RUNDC3B: variants seen among roughly 807,000 people sequenced by gnomAD.
RUNDC3B encodes RUN domain containing 3B.
In RUNDC3B, 33 loss-of-function variants were observed where a neutral mutation model predicts 58.4. The observed-to-expected ratio is 0.56, with a 90% CI of 0.43 to 0.75. The LOEUF (loss-of-function observed/expected upper bound fraction) is 0.75. Among genes scored for constraint, RUNDC3B ranks in the 30% least tolerant of loss-of-function variants. The pLI is 0.00. For synonymous variants in RUNDC3B, 193 were observed against 195.2 expected, an observed-to-expected ratio of 0.99 and a Z score of 0.10; for missense variants, 501 against 535.7, an observed-to-expected ratio of 0.94 and a Z score of 0.64.
intron 2 of RUNDC3B, 75 bp from the exon 3 acceptor site, chr7:87,700,346 T>G (rs1828917929): frequency 7.9e-7 from 1 of 1,271,718 alleles, no homozygotes; most frequent in Middle Eastern, 1.9e-4. Flanking sequence ...TTTTCAGAAT[T>G]TTATTGTTCT....
chr7:87,664,335 T>C (rs2130472332), intron 2 of RUNDC3B, among the ~76,000 whole-genome samples: 1 of 151,994 alleles, frequency 6.6e-6, no homozygotes, highest in East Asian at 1.9e-4. Flanking sequence ...AGATACCATC[T>C]CTAAAAAAAT....
At chr7:87,729,565 G>C (rs1433365257) in intron 4 of RUNDC3B, among the ~76,000 whole-genome samples, 1 of 152,184 alleles carries the variant, frequency 6.6e-6, no homozygotes, top group African/African-American at 2.4e-5. Flanking sequence ...CATTTCAGTG[G>C]TAGGAGCCTG....
chr7:87,770,448 T>A, intron 6 of RUNDC3B, 133 bp from the exon 7 acceptor site: 1 of 736,392 alleles, frequency 1.4e-6, no homozygotes. Context: ...TAAATCTTTA[T>A]AATATCATTA....
intron 3 of RUNDC3B, among the ~76,000 whole-genome samples, chr7:87,703,969 G>A (rs1829368122): frequency 1.8e-5 from 2 of 112,766 alleles, no homozygotes; most frequent in Non-Finnish European, 3.4e-5. Context: ...CGCCCAGGCT[G>A]GAGTGCAAAG....
chr7:87,707,965 A>G (rs1169176507), intron 3 of RUNDC3B, among the ~76,000 whole-genome samples: 1 of 152,114 alleles, frequency 6.6e-6, no homozygotes, highest in East Asian at 1.9e-4. Context: ...AAATTGAAAA[A>G]TATTTGGAAA....
chr7:87,761,293 C>G (rs1039100025), intron 6 of RUNDC3B, among the ~76,000 whole-genome samples: 1 of 151,856 alleles, frequency 6.6e-6, no homozygotes, highest in African/African-American at 2.4e-5. Context: ...TTTATACTCA[C>G]AAGGATAGCT....
chr7:87,743,076 T>C (rs1260276323), intron 6 of RUNDC3B, among the ~76,000 whole-genome samples: 1 of 150,076 alleles, frequency 6.7e-6, no homozygotes, highest in African/African-American at 2.5e-5. Context: ...ATCATGCCAC[T>C]GCACCCCAAC....
intron 1 of RUNDC3B, among the ~76,000 whole-genome samples, chr7:87,636,730 A>G (rs1252071990): frequency 6.6e-6 from 1 of 152,226 alleles, no homozygotes; most frequent in Non-Finnish European, 1.5e-5. Flanking sequence ...GATGTGAAGT[A>G]CAGGAGTCAA....
chr7:87,783,687 C>G (rs1835061409), intron 8 of RUNDC3B, among the ~76,000 whole-genome samples: 1 of 152,152 alleles, frequency 6.6e-6, no homozygotes, highest in Non-Finnish European at 1.5e-5. Context: ...TCTTGCAAGG[C>G]TGGTCTATTG....
At chr7:87,718,717 A>G (rs1408797438) in intron 4 of RUNDC3B, among the ~76,000 whole-genome samples, 1 of 152,196 alleles carries the variant, frequency 6.6e-6, no homozygotes, top group African/African-American at 2.4e-5. Flanking sequence ...CTTTCTTAAC[A>G]TGATATGGGA....
At chr7:87,765,168 A>C (rs1378167119) in intron 6 of RUNDC3B, among the ~76,000 whole-genome samples, 1 of 151,720 alleles carries the variant, frequency 6.6e-6, no homozygotes, top group African/African-American at 2.4e-5. Context: ...GATTGTGCTT[A>C]TTTTAATTTT....
intron 6 of RUNDC3B, among the ~76,000 whole-genome samples, chr7:87,742,998 C>T (rs1832428681): frequency 6.6e-6 from 1 of 152,028 alleles, no homozygotes; most frequent in Admixed American, 6.6e-5. Context: ...CCTGTAGTCC[C>T]CACTACTCAG....
At chr7:87,827,965 C>T (rs1306546649) in intron 10 of RUNDC3B, among the ~76,000 whole-genome samples, 1 of 152,046 alleles carries the variant, frequency 6.6e-6, no homozygotes, top group East Asian at 1.9e-4. Flanking sequence ...CCATTCTGGG[C>T]AACACAGACC....
intron 6 of RUNDC3B, among the ~76,000 whole-genome samples, chr7:87,754,905 A>T (rs13438341): frequency 6.9e-6 from 1 of 145,700 alleles, no homozygotes; most frequent in Non-Finnish European, 1.5e-5. Flanking sequence ...AACAATAATG[A>T]GCTCTGAAAT....
intron 2 of RUNDC3B, among the ~76,000 whole-genome samples, chr7:87,666,680 G>A (rs987547339): frequency 6.6e-6 from 1 of 152,130 alleles, no homozygotes; most frequent in East Asian, 1.9e-4. Flanking sequence ...GTGTAAGGAA[G>A]GGGTCCAGTT....
chr7:87,805,632 A>G (rs545216960), intron 8 of RUNDC3B, among the ~76,000 whole-genome samples: 11 of 152,318 alleles, frequency 7.2e-5, no homozygotes, highest in African/African-American at 2.4e-4. Flanking sequence ...TTAATGAGGT[A>G]TAAAACTTTT....
intron 6 of RUNDC3B, among the ~76,000 whole-genome samples, chr7:87,770,187 A>G (rs901517966): frequency 2.6e-5 from 4 of 152,076 alleles, no homozygotes; most frequent in African/African-American, 9.7e-5. Context: ...TCTGCCTTGT[A>G]TTGAAGATTG....
intron 1 of RUNDC3B, among the ~76,000 whole-genome samples, chr7:87,629,809 C>G (rs1262108125): frequency 6.6e-6 from 1 of 151,624 alleles, no homozygotes; most frequent in African/African-American, 2.4e-5. Flanking sequence ...TCCTGTAATC[C>G]CAGCTACTCG....
At chr7:87,820,692 G>C (rs1446517739) in intron 10 of RUNDC3B, among the ~76,000 whole-genome samples, 1 of 152,024 alleles carries the variant, frequency 6.6e-6, no homozygotes, top group African/African-American at 2.4e-5. Flanking sequence ...TATCCACCAT[G>C]ATCAAGTGGG....
Sources: allele counts gnomAD v4.1 joint callset (sites outside exome capture counted in the v4.1 genomes callset), GRCh38; gene constraint gnomAD v4.1.1; transcripts MANE v1.5; gene names NCBI Gene and HGNC (gene_info 2026-07-23, HGNC 2026-07-21).